MCRS1: variants seen among roughly 807,000 people sequenced by gnomAD.
MCRS1 encodes the protein 58 kDa microspherule protein.
Under a neutral mutation model 62.9 loss-of-function variants are expected in MCRS1, and 22 were observed. The observed-to-expected ratio is 0.35, with a 90% confidence interval of 0.25 to 0.50. The LOEUF (loss-of-function observed/expected upper bound fraction) is 0.50. MCRS1 is among the 20% of genes least tolerant of loss of function. The pLI, the probability that MCRS1 is intolerant of heterozygous loss-of-function variation, is 0.98. For missense variants in MCRS1, 456 were observed against 601.1 expected (o/e 0.76, Z 2.52); for synonymous variants, 244 against 233.5 (o/e 1.04, Z -0.41).
rs774037141 is a variant in MCRS1 at position 49,559,484 on chromosome 12, C to A, written c.1055G>T (p.Arg352Leu). The A allele has an allele frequency of 1.2e-6, 2 of 1,612,968 alleles. No individual in the cohort carries two copies. Among genetic ancestry groups the A allele is most frequent in the Non-Finnish European group, 1.7e-6 (2 of 1,180,050 alleles). ...CGAGCGCATCAGGTACCGCACCATGCGGCCCCGCAGCACTGCCAGTGTCTG... is the reference window on the plus strand; with the variant it reads ...CGAGCGCATCAGGTACCGCACCATGAGGCCCCGCAGCACTGCCAGTGTCTG... ...DNQTLAVLRGRMVRYLMRSRE... is the reference protein window; with the variant it reads ...DNQTLAVLRGLMVRYLMRSRE... Residue 352 changes from arginine (R) to leucine (L), a missense_variant, in exon 12 of 15, where the codon CGC becomes CTC. Physicochemically the swap from Arg to Leu is moderately radical, Grantham distance 102. Coordinates refer to ENST00000343810, the MANE Select transcript of MCRS1 (RefSeq NM_006337.5). The surrounding 1 kb of genome is among the most constrained non-coding windows in gnomAD (Gnocchi z 5.2).
intron 9 of MCRS1, 108 bp from the exon 10 acceptor site, chr12:49,560,075 T>C (rs1406776086): frequency 2.7e-6 from 4 of 1,458,766 alleles, no homozygotes; most frequent in Non-Finnish European, 2.9e-6. Flanking sequence ...TGGAAGGTGG[T>C]ACATCAGGCC....
At chr12:49,565,975 G>A in intron 3 of MCRS1, 102 bp downstream of exon 3, 1 of 1,483,512 alleles carries the variant, frequency 6.7e-7, no homozygotes, top group Non-Finnish European at 9.1e-7. Context: ...AGGCCCCAGA[G>A]GGGCTCAGGC....
chr12:49,566,726 G>C lies in MCRS1; in HGVS notation c.6C>G (p.Asp2Glu), dbSNP rs770999209. Residue 2 changes from aspartate to glutamate, a missense_variant, in exon 2 of 15, where the codon GAC (aspartate) becomes GAG (glutamate). By Grantham distance (45) the Asp-to-Glu change is conservative. Around this residue, in one of 3 missense-constraint regions of MCRS1, gnomAD observed 55 missense variants for 49.3 expected, o/e 1.12. Coordinates refer to ENST00000343810, the MANE Select transcript of MCRS1 (RefSeq NM_006337.5). M[D>E]KDSQGLLDSS... ...GCTGTCCCGGCCTCATACTACCTTTGTCCATCCTCTTACAGTCCCAAAGCC... is the reference window on the plus strand; with the variant it reads ...GCTGTCCCGGCCTCATACTACCTTTCTCCATCCTCTTACAGTCCCAAAGCC... 1 of 1,613,948 alleles carries C rather than the reference G, an allele frequency of 6.2e-7. No homozygotes were observed. Among genetic ancestry groups the C allele is most frequent in the Non-Finnish European group, 8.5e-7 (1 of 1,179,944 alleles).
Position 49,559,433 on chromosome 12 carries a change from C to T in MCRS1, c.1086+20G>A, listed in dbSNP as rs201759154. The T allele has an allele frequency of 8.1e-6, 13 of 1,613,776 alleles. No homozygotes were observed. Among genetic ancestry groups the T allele is most frequent in the Admixed American group, 5.0e-5 (3 of 60,032 alleles). On this transcript the variant is annotated intron_variant, in intron 12 of 14. Transcript: ENST00000343810. The surrounding 1 kb of genome is among the most constrained non-coding windows in gnomAD (Gnocchi z 5.2). ...GACAGAGGAAGCAGCCTAAGAAGGG[C>T]GGGGATGGGCCTGCCTCACCTCACG...
rs768690026 is a variant in MCRS1, at chr12:49,565,546, A to G, written c.271T>C (p.Ser91Pro). 1 of 1,600,642 alleles carries G rather than the reference A, an allele frequency of 6.2e-7. No individual in the cohort carries two copies. The highest frequency in any genetic ancestry group is 8.5e-7 in the Non-Finnish European group (1 of 1,173,550). Residue 91 changes from serine (S) to proline (P), a missense_variant, in exon 4 of 15, where the codon TCC (serine) becomes CCC (proline). By Grantham distance (74) the Ser-to-Pro change is moderately conservative. Transcript: ENST00000343810. Reference sequence around the variant, plus strand: ...TTCCTCACCTTCTTCTTCTCACTGGAGGAGGGTTCACTCCCCGAACAGCGC... The same window carrying G: ...TTCCTCACCTTCTTCTTCTCACTGGGGGAGGGTTCACTCCCCGAACAGCGC... ...PGRCSGSEPS[S>P]SEKKKVSKAP... is the part of the protein sequence containing the mutation.
Position 49,559,440 on chromosome 12 carries a change from G to GGGCC in MCRS1, c.1086+9_1086+12dup. The stretch of plus-strand genomic sequence containing the variant: ...GAAGCAGCCTAAGAAGGGCGGGGAT[G>GGGCC]GGCCTGCCTCACCTCACGCGAGCGC... On this transcript the variant is annotated intron_variant, in intron 12 of 14. Coordinates refer to ENST00000343810, the MANE Select transcript of MCRS1 (RefSeq NM_006337.5). This position sits in a 1 kb window ranked among gnomAD's most constrained non-coding sequence, Gnocchi z 5.2. The GGGCC allele has an allele frequency of 6.2e-7, 1 of 1,613,886 alleles. No homozygotes were observed. Among genetic ancestry groups the GGGCC allele is most frequent in the African/African-American group, 1.3e-5 (1 of 75,066 alleles).
Position 49,565,568 on chromosome 12 carries a change from G to A in MCRS1, c.249C>T (p.Arg83=). Reference sequence around the variant, plus strand: ...TGGAGGAGGGTTCACTCCCCGAACAGCGCCCTGGTTCCACCCCACTGGCCC... The same window carrying A: ...TGGAGGAGGGTTCACTCCCCGAACAACGCCCTGGTTCCACCCCACTGGCCC... ...AKGASGVEPG[R]CSGSEPSSSE... The change falls in exon 4 of 15, where the codon CGC becomes CGT. Residue 83 remains arginine, a synonymous_variant. Transcript: ENST00000343810. 1 of 1,610,644 alleles carries A rather than the reference G, an allele frequency of 6.2e-7. No individual in the cohort carries two copies. Among genetic ancestry groups the A allele is most frequent in the Non-Finnish European group, 8.5e-7 (1 of 1,178,208 alleles).
chr12:49,564,093 T>C (rs146746706), intron 6 of MCRS1, among the ~76,000 whole-genome samples: 3 of 152,312 alleles, frequency 2.0e-5, no homozygotes, highest in Admixed American at 6.5e-5. Flanking sequence ...TGTTCTTCTA[T>C]TCGACTCCCC....
chr12:49,561,935 A>G (rs2138189852), intron 8 of MCRS1, among the ~76,000 whole-genome samples: 1 of 152,358 alleles, frequency 6.6e-6, no homozygotes, highest in South Asian at 2.1e-4. Context: ...TAAAATAGTG[A>G]CAAAGGAACT....
At position 49,558,527 on chromosome 12, in the gene MCRS1, C is replaced by A; in HGVS notation, c.*116G>T. The A allele has an allele frequency of 9.6e-7, 1 of 1,046,976 alleles. No homozygotes were observed. 64.9% of individuals were successfully genotyped at this position (1,046,976 alleles called of 1,614,324 possible). On this transcript the variant is annotated 3_prime_UTR_variant, in exon 15 of 15. Coordinates refer to ENST00000343810, the MANE Select transcript of MCRS1 (RefSeq NM_006337.5). ...CCCTCAAAGGCTCAAATCAATGGCC[C>A]GCAGCTGAGCCTCCCACTGCCCAGG...
At chr12:49,567,739 T>C (rs1939136561) in intron 1 of MCRS1, 1 of 152,234 alleles carries the variant, frequency 6.6e-6, no homozygotes, top group Non-Finnish European at 1.5e-5. Context: ...GGAGCATTGA[T>C]GAAGTCACCT....
Position 49,566,821 on chromosome 12 carries a change from C to T in MCRS1, c.-90G>A. ...CATCCAAGGATTCTGACCAGGTGAG[C>T]TTAAAGGCTGAGAGGAGATTCTGCA... On this transcript the variant is annotated 5_prime_UTR_variant, in exon 2 of 15. Coordinates refer to ENST00000343810, the MANE Select transcript of MCRS1 (RefSeq NM_006337.5). 2.0e-6 allele frequency: 3 copies of T among 1,536,732 alleles called. No homozygotes were observed. Among genetic ancestry groups the T allele is most frequent in the Middle Eastern group, 1.7e-4 (1 of 5,924 alleles).
intron 8 of MCRS1, among the ~76,000 whole-genome samples, chr12:49,561,898 G>A (rs954288444): frequency 1.3e-5 from 2 of 152,248 alleles, no homozygotes; most frequent in African/African-American, 4.8e-5. Context: ...GATTACAGGC[G>A]TGAGCCACCA....
In MCRS1 at chr12:49,566,235, G is replaced by A. The variant is rs1193918294; in HGVS notation, c.11-20C>T. The A allele has an allele frequency of 3.1e-6, 5 of 1,607,138 alleles. No homozygotes were observed. Among genetic ancestry groups the A allele is most frequent in the South Asian group, 1.1e-5 (1 of 90,534 alleles). On this transcript the variant is annotated intron_variant, in intron 2 of 14. Coordinates refer to ENST00000343810, the MANE Select transcript of MCRS1 (RefSeq NM_006337.5). The stretch of plus-strand genomic sequence containing the variant: ...GAGAATCTAGCAAGAGAGAAATGGT[G>A]GATTCGGGCCTCCTAAGATCCTAGA...
chr12:49,560,431 G>A, intron 8 of MCRS1, 61 bp from the exon 9 acceptor site: 1 of 1,516,640 alleles, frequency 6.6e-7, no homozygotes, highest in East Asian at 2.3e-5. Flanking sequence ...ATGCTGAGCG[G>A]ACCACTAAGC....
chr12:49,565,778 C>T, intron 3 of MCRS1, 111 bp from the exon 4 acceptor site: 2 of 1,484,054 alleles, frequency 1.3e-6, no homozygotes, highest in Admixed American at 3.5e-5. Context: ...TCTGCTCCAG[C>T]CTGCTTTCAC....
chr12:49,558,898 C>T lies in MCRS1; in HGVS notation c.1247G>A (p.Gly416Glu). The T allele has an allele frequency of 6.2e-7, 1 of 1,613,164 alleles. No homozygotes were observed. Among genetic ancestry groups the T allele is most frequent in the Non-Finnish European group, 8.5e-7 (1 of 1,180,028 alleles). ...NEGRRPIYID[G>E]RPVLCGSKWR... ...TTTGGAGCCACAGAGCACCGGCCGT[C>T]CATCGATGTAGATGGGCCGTCGACC... Residue 416 changes from glycine to glutamate, a missense_variant, in exon 14 of 15, where the codon GGA (glycine) becomes GAA (glutamate). This residue lies in a region of MCRS1 where 393 missense variants were observed against 523.5 expected (regional missense o/e 0.75). Coordinates refer to ENST00000343810, the MANE Select transcript of MCRS1 (RefSeq NM_006337.5).
Position 49,565,677 on chromosome 12 carries a change from G to A in MCRS1, c.150-10C>T. On this transcript the variant is annotated splice_polypyrimidine_tract_variant and intron_variant, in intron 3 of 14. Coordinates refer to ENST00000343810, the MANE Select transcript of MCRS1 (RefSeq NM_006337.5). ...CTTCCTCTTGATGAACCTGTAAAGG[G>A]TCCTGCCCAGTGAACACTCCTTACC... 1 of 1,613,990 alleles carries A rather than the reference G, an allele frequency of 6.2e-7. No homozygotes were observed. The highest frequency in any genetic ancestry group is 8.5e-7 in the Non-Finnish European group (1 of 1,179,964).
intron 9 of MCRS1, 137 bp downstream of exon 9, chr12:49,560,158 G>A: frequency 1.7e-6 from 2 of 1,188,156 alleles, no homozygotes; most frequent in South Asian, 1.3e-5. Context: ...AGGCCCCAGT[G>A]GGAGGGGAGG....
Sources: gnomAD v4.1 joint callset for allele counts (sites outside exome capture counted in the v4.1 genomes callset) on GRCh38, gnomAD v4.1.1 for gene constraint, gnomAD v4.1.1 regional missense constraint, Gnocchi (gnomAD v3.1) non-coding constraint, MANE v1.5 for transcripts, NCBI Gene and HGNC (gene_info 2026-07-23, HGNC 2026-07-21) for gene names.